CSGALNACT1: variants seen among roughly 807,000 people sequenced by gnomAD.
The protein encoded by CSGALNACT1 is beta4GalNAcT-1.
Under a neutral mutation model 51.0 loss-of-function variants are expected in CSGALNACT1, and 52 were observed. The ratio of observed to expected loss-of-function variants is 1.02; its 90% confidence interval spans 0.82 to 1.29. The LOEUF is 1.29. Ranked by LOEUF, CSGALNACT1 falls within the 50% of genes most tolerant of loss-of-function variation. The pLI is 0.00. For synonymous variants in CSGALNACT1, 341 were observed against 254.4 expected (o/e 1.34, Z -3.24); for missense variants, 935 against 679.2 (o/e 1.38, Z -4.19).
intron 3 of CSGALNACT1, among the ~76,000 whole-genome samples, chr8:19,526,168 A>G (rs2081652708): frequency 6.6e-6 from 1 of 152,158 alleles, no homozygotes; most frequent in Non-Finnish European, 1.5e-5. Context: ...ATGAAATCCA[A>G]CTGAGTCTAG....
At chr8:19,484,504 C>T (rs1269456962) in intron 4 of CSGALNACT1, among the ~76,000 whole-genome samples, 1 of 152,100 alleles carries the variant, frequency 6.6e-6, no homozygotes, top group African/African-American at 2.4e-5. Context: ...ACAATCACGG[C>T]AGAAGGCAAA....
At chr8:19,430,326 T>C (rs1359699106) in intron 6 of CSGALNACT1, among the ~76,000 whole-genome samples, 3 of 152,212 alleles carry the variant, frequency 2.0e-5, no homozygotes, top group Non-Finnish European at 4.4e-5. Context: ...TTGATAATTA[T>C]AGCTCTTACA....
At chr8:19,436,783 T>C (rs778263851) in intron 6 of CSGALNACT1, among the ~76,000 whole-genome samples, 1 of 152,086 alleles carries the variant, frequency 6.6e-6, no homozygotes, top group Non-Finnish European at 1.5e-5. Context: ...TGGTGGCACA[T>C]GCTTGTAGTC....
At chr8:19,737,423 G>A (rs2064048757) in intron 1 of CSGALNACT1, among the ~76,000 whole-genome samples, 1 of 152,074 alleles carries the variant, frequency 6.6e-6, no homozygotes, top group Non-Finnish European at 1.5e-5. Context: ...TACTAAACAG[G>A]TGGGGATCAC....
At chr8:19,692,377 G>T (rs1324847159) in intron 1 of CSGALNACT1, among the ~76,000 whole-genome samples, 5 of 152,192 alleles carry the variant, frequency 3.3e-5, no homozygotes, top group Admixed American at 3.3e-4. Flanking sequence ...CTGTCTTAAA[G>T]CATAGTTACC....
chr8:19,653,021 C>T (rs2154185239), intron 1 of CSGALNACT1, among the ~76,000 whole-genome samples: 1 of 152,234 alleles, frequency 6.6e-6, no homozygotes, highest in Non-Finnish European at 1.5e-5. Flanking sequence ...GTTTGGGAGG[C>T]ATAAGCATAC....
At chr8:19,673,381 T>C (rs2059936922) in intron 1 of CSGALNACT1, among the ~76,000 whole-genome samples, 2 of 152,232 alleles carry the variant, frequency 1.3e-5, no homozygotes, top group South Asian at 2.1e-4. Context: ...CTCAGGACTG[T>C]AGATGCATGC....
chr8:19,674,618 G>A (rs916833351), intron 1 of CSGALNACT1, among the ~76,000 whole-genome samples: 5 of 152,146 alleles, frequency 3.3e-5, no homozygotes, highest in Admixed American at 1.3e-4. Flanking sequence ...GCCTTTATCC[G>A]CAGTGATAGG....
At chr8:19,632,425 A>G (rs2055395218) in intron 1 of CSGALNACT1, among the ~76,000 whole-genome samples, 1 of 152,278 alleles carries the variant, frequency 6.6e-6, no homozygotes, top group African/African-American at 2.4e-5. Flanking sequence ...GGTGGCAAAG[A>G]TGCCTAGAAA....
intron 2 of CSGALNACT1, among the ~76,000 whole-genome samples, chr8:19,597,283 T>C (rs1015963771): frequency 3.2e-5 from 4 of 126,324 alleles, no homozygotes; most frequent in Admixed American, 3.0e-4. Flanking sequence ...TCTATCTTCT[T>C]TCTTTTTTTT....
intron 3 of CSGALNACT1, among the ~76,000 whole-genome samples, chr8:19,561,079 A>G (rs1485608519): frequency 1.3e-5 from 2 of 152,214 alleles, no homozygotes; most frequent in Non-Finnish European, 2.9e-5. Flanking sequence ...TAATTCAGTG[A>G]TAACCATAAA....
intron 5 of CSGALNACT1, among the ~76,000 whole-genome samples, chr8:19,453,806 G>C (rs113625277): frequency 0.11 from 17,428 of 152,146 alleles, 1,290 homozygotes; most frequent in Middle Eastern, 0.22. Context: ...CAGCTACTCG[G>C]GAGGCTGAGG....
chr8:19,614,713 A>T (rs1227794305), intron 1 of CSGALNACT1, among the ~76,000 whole-genome samples: 25 of 152,210 alleles, frequency 1.6e-4, no homozygotes, highest in Non-Finnish European at 7.3e-5. Context: ...GAAGGTTGAA[A>T]CTAGAAGTGA....
chr8:19,754,555 G>A (rs2065238408), intron 1 of CSGALNACT1, among the ~76,000 whole-genome samples: 1 of 152,066 alleles, frequency 6.6e-6, no homozygotes, highest in Non-Finnish European at 1.5e-5. Context: ...TGGAAATTAG[G>A]ATATATAAAA....
At chr8:19,673,352 T>C (rs953240902) in intron 1 of CSGALNACT1, among the ~76,000 whole-genome samples, 2 of 152,208 alleles carry the variant, frequency 1.3e-5, no homozygotes, top group Non-Finnish European at 2.9e-5. Flanking sequence ...GGAACAACGA[T>C]TGTTTCAACT....
intron 3 of CSGALNACT1, among the ~76,000 whole-genome samples, chr8:19,526,519 G>A (rs1248450738): frequency 6.6e-6 from 1 of 152,144 alleles, no homozygotes; most frequent in Non-Finnish European, 1.5e-5. Flanking sequence ...GGAGGCGGAG[G>A]TTGCAGTGAG....
At chr8:19,539,487 A>G (rs903612426) in intron 3 of CSGALNACT1, among the ~76,000 whole-genome samples, 3 of 152,208 alleles carry the variant, frequency 2.0e-5, no homozygotes, top group Non-Finnish European at 2.9e-5. Context: ...AAAGCACTGA[A>G]TAAGTACGTT....
At chr8:19,550,282 G>A (rs2087656205) in intron 3 of CSGALNACT1, among the ~76,000 whole-genome samples, 2 of 152,220 alleles carry the variant, frequency 1.3e-5, no homozygotes, top group South Asian at 4.1e-4. Context: ...CACTGCACCT[G>A]TCTGTGAAAC....
At chr8:19,611,158 C>T (rs530209101) in intron 1 of CSGALNACT1, among the ~76,000 whole-genome samples, 50 of 152,330 alleles carry the variant, frequency 3.3e-4, no homozygotes, top group African/African-American at 1.2e-3. Context: ...AAAATATAAG[C>T]TATACTAGAC....
Sources: allele counts gnomAD v4.1 joint callset (sites outside exome capture counted in the v4.1 genomes callset), GRCh38; gene constraint gnomAD v4.1.1; transcripts MANE v1.5; gene names NCBI Gene and HGNC (gene_info 2026-07-23, HGNC 2026-07-21).